The following USP45 variants were observed in gnomAD, a reference collection of about 807,000 sequenced individuals.
The protein encoded by USP45 is ubiquitin specific peptidase 45.
In USP45, 89 loss-of-function variants were observed where a neutral mutation model predicts 95.8. The ratio of observed to expected loss-of-function variants is 0.93; its 90% CI spans 0.78 to 1.11. USP45 has a LOEUF of 1.11. USP45 is among the 50% of genes least tolerant of loss of function. The probability of loss-of-function intolerance (pLI) is 0.00; values close to 1 mark genes in which losing one functional copy is unlikely to be tolerated. For synonymous variants in USP45, 281 were observed against 316.2 expected, an observed-to-expected ratio of 0.89 and a Z score of 1.18; for missense variants, 898 against 942.5, an observed-to-expected ratio of 0.95 and a Z score of 0.62.
At chr6:99,474,347 AC>A (rs1790267812) in intron 9 of USP45, among the ~76,000 whole-genome samples, 2 of 152,108 alleles carry the variant, frequency 1.3e-5, no homozygotes, top group African/African-American at 4.8e-5. Context: ...ACAGGTGTGC[AC>A]CACCACGCCT....
Position 99,488,198 on chromosome 6 carries a change from A to T in USP45, c.714+2T>A. The T allele has an allele frequency of 6.3e-7, 1 of 1,594,524 alleles. No individual in the cohort carries two copies. Among genetic ancestry groups the T allele is most frequent in the Non-Finnish European group, 8.6e-7 (1 of 1,163,498 alleles). ...GCTATTATTCAAACAGTTATTACTC[A>T]CCAGCTGAGAGTCTGAGGAAGGAAA... On this transcript the variant is annotated splice_donor_variant, in intron 7 of 17. Transcript: ENST00000500704. LOFTEE classifies it high-confidence loss of function.
In USP45 at chr6:99,432,772, A is replaced by C. The variant is rs1351906530; in HGVS notation, c.*2944T>G. 3 of 152,652 alleles carry C rather than the reference A, an allele frequency of 2.0e-5. No homozygotes were observed. The highest frequency in any genetic ancestry group is 7.2e-5 in the African/African-American group (3 of 41,458). The allele number at this position is 152,652 out of a possible 1,614,324, so 9.5% of individuals were successfully genotyped here. On this transcript the variant is annotated 3_prime_UTR_variant, in exon 18 of 18. Transcript: ENST00000500704. ...AATAAATTACAAACGTGAATTTTTAAAAGGAATCAGGATGTCATTTTGTAC... is the reference window on the plus strand; with the variant it reads ...AATAAATTACAAACGTGAATTTTTACAAGGAATCAGGATGTCATTTTGTAC...
chr6:99,478,132 T>C (rs1449665780), intron 8 of USP45, among the ~76,000 whole-genome samples: 3 of 151,942 alleles, frequency 2.0e-5, no homozygotes, highest in Non-Finnish European at 4.4e-5. Flanking sequence ...GCCTCCACCA[T>C]GTCTCTGCCT....
rs1780141859 is a variant in USP45, at chr6:99,434,328, T to C, written c.*1388A>G. 6.6e-6 allele frequency: 1 copy of C among 152,216 alleles called. No homozygotes were observed. Among genetic ancestry groups the C allele is most frequent in the Non-Finnish European group, 1.5e-5 (1 of 68,022 alleles). The allele number at this position is 152,216 out of a possible 1,614,324, so 9.4% of individuals were successfully genotyped here. ...ATTTCCATACCTTATCTGCAGCCAC[T>C]ATTCTTATCCTTTCTTCCCAGGAGG... On this transcript the variant is annotated 3_prime_UTR_variant, in exon 18 of 18. Coordinates refer to ENST00000500704, the MANE Select transcript of USP45 (RefSeq NM_001346022.3).
rs888441299 is a variant in USP45, at chr6:99,464,902, C to T, written c.1165-155G>A. The stretch of plus-strand genomic sequence containing the variant: ...AGTTTAAATTCCTTGAGAATAAAAA[C>T]CATCATACTTTATGCATACTTACAC... On this transcript the variant is annotated intron_variant, in intron 12 of 17. Coordinates refer to ENST00000500704, the MANE Select transcript of USP45 (RefSeq NM_001346022.3). 10 of 1,050,492 alleles carry T rather than the reference C, an allele frequency of 9.5e-6. No individual in the cohort carries two copies. The African/African-American group carries it at 1.6e-4, about 17-fold the overall frequency. 65.1% of individuals were successfully genotyped at this position (1,050,492 alleles called of 1,614,324 possible).
chr6:99,435,671 T>A lies in USP45; in HGVS notation c.*45A>T. On this transcript the variant is annotated 3_prime_UTR_variant, in exon 18 of 18. Transcript: ENST00000500704. ...ACATTATATATTATAGTTATCACTG[T>A]GGCATTCAAAAACAAATGACCTAAA... is the stretch of plus-strand genomic sequence containing the variant. 6.5e-7 allele frequency: 1 copy of A among 1,537,674 alleles called. No homozygotes were observed. The highest frequency in any genetic ancestry group is 8.9e-7 in the Non-Finnish European group (1 of 1,121,558).
chr6:99,476,166 C>T lies in USP45; in HGVS notation c.910G>A (p.Ala304Thr), dbSNP rs761475261. 56 of 1,613,782 alleles carry T rather than the reference C, an allele frequency of 3.5e-5. No homozygotes were observed. The highest frequency in any genetic ancestry group is 3.3e-4 in the Middle Eastern group (2 of 6,084). ...ACCTTTGTTTCTTCTGTCCTCACTG[C>T]ATCCAGAAGATAATGAAGAAGCTCC... ...SQELLHYLLD[A>T]VRTEETKRIQ... The change falls in exon 9 of 18, where the codon GCA becomes ACA. Residue 304 changes from alanine to threonine, a missense_variant. Coordinates refer to ENST00000500704, the MANE Select transcript of USP45 (RefSeq NM_001346022.3).
At chr6:99,499,407 T>C in intron 5 of USP45, among the ~76,000 whole-genome samples, 1 of 152,180 alleles carries the variant, frequency 6.6e-6, no homozygotes, top group East Asian at 1.9e-4. Flanking sequence ...AACTTTCATA[T>C]TTGATTTTCC....
intron 11 of USP45, among the ~76,000 whole-genome samples, chr6:99,465,373 G>T (rs1212440522): frequency 6.6e-6 from 1 of 151,890 alleles, no homozygotes; most frequent in Non-Finnish European, 1.5e-5. Flanking sequence ...AATATGACTG[G>T]CCTGTAATAT....
At chr6:99,453,422 A>T (rs530481572) in intron 13 of USP45, among the ~76,000 whole-genome samples, 3 of 152,002 alleles carry the variant, frequency 2.0e-5, no homozygotes, top group Non-Finnish European at 4.4e-5. Context: ...CAATGGCTAC[A>T]AAAGAAAAAA....
At chr6:99,499,371 C>T (rs954904416) in intron 5 of USP45, among the ~76,000 whole-genome samples, 5 of 152,102 alleles carry the variant, frequency 3.3e-5, no homozygotes, top group African/African-American at 1.2e-4. Context: ...AAAATCATAT[C>T]CGGCATTCTT....
intron 9 of USP45, among the ~76,000 whole-genome samples, chr6:99,473,772 A>C (rs150546004): frequency 1.4e-5 from 2 of 145,592 alleles, no homozygotes; most frequent in Admixed American, 7.0e-5. Context: ...AAACAAAAAA[A>C]ACAAAACACA....
rs1288870799 is a variant in USP45 at position 99,439,929 on chromosome 6, A to G, written c.2074-74T>C. On this transcript the variant is annotated intron_variant, in intron 15 of 17. Transcript: ENST00000500704. The stretch of plus-strand genomic sequence containing the variant: ...ATTGTCTTTGTTAACTAAAACCAAA[A>G]GAGAAATTGTAGGACTTAGTTTTTT... 12 of 1,210,662 alleles carry G rather than the reference A, an allele frequency of 9.9e-6. No homozygotes were observed. The East Asian group carries it at 3.1e-4, about 31-fold the overall frequency. The allele number at this position is 1,210,662 out of a possible 1,614,324, so 75.0% of individuals were successfully genotyped here. A position where few individuals can be genotyped will look rare whatever the true frequency, so the allele number is the denominator to read the frequency against.
chr6:99,484,004 G>GTTTTTT (rs773687208), intron 7 of USP45, among the ~76,000 whole-genome samples: 17,360 of 91,048 alleles, frequency 0.19, 2,540 homozygotes, highest in African/African-American at 0.27. Context: ...ATTTTCCATA[G>GTTTTTT]TTTTTTTTTT....
At chr6:99,451,811 A>G (rs201168045) in intron 13 of USP45, among the ~76,000 whole-genome samples, 1 of 152,176 alleles carries the variant, frequency 6.6e-6, no homozygotes, top group South Asian at 2.1e-4. Flanking sequence ...AAAACAGCAT[A>G]GTACTGGTAC....
chr6:99,451,050 T>C (rs1364958171), intron 13 of USP45, among the ~76,000 whole-genome samples: 3 of 152,156 alleles, frequency 2.0e-5, no homozygotes, highest in Non-Finnish European at 1.5e-5. Flanking sequence ...TAATAAGAGC[T>C]ATCTATGACA....
At chr6:99,501,611 G>A (rs1797376799) in intron 5 of USP45, 1 of 154,532 alleles carries the variant, frequency 6.5e-6, no homozygotes, top group African/African-American at 2.4e-5. Flanking sequence ...CTAACGCCTA[G>A]AGGGCAAGAT....
chr6:99,460,767 A>AC (rs1435200470), intron 13 of USP45: 1 of 984,340 alleles, frequency 1.0e-6, no homozygotes, highest in East Asian at 1.1e-4. Flanking sequence ...TCTGAATATA[A>AC]CCCCAATGAT....
intron 10 of USP45, among the ~76,000 whole-genome samples, chr6:99,467,639 A>T (rs1167388516): frequency 6.6e-6 from 1 of 152,104 alleles, no homozygotes; most frequent in Non-Finnish European, 1.5e-5. Context: ...ACTAAAAGGG[A>T]TTGGAAATAG....
Sources: allele counts gnomAD v4.1 joint callset (sites outside exome capture counted in the v4.1 genomes callset), GRCh38; gene constraint gnomAD v4.1.1; transcripts MANE v1.5; gene names NCBI Gene and HGNC (gene_info 2026-07-23, HGNC 2026-07-21).